TAOK3: variants seen among roughly 807,000 people sequenced by gnomAD.
TAOK3 encodes the protein serine/threonine-protein kinase TAO3.
A neutral mutation model predicts 120.4 loss-of-function variants in TAOK3; 40 were observed. The observed-to-expected ratio is 0.33, with a 90% CI of 0.26 to 0.43. TAOK3 has a LOEUF of 0.43. Among genes scored for constraint, TAOK3 ranks in the 20% least tolerant of loss-of-function variants. TAOK3 has a pLI of 1.00. For missense variants in TAOK3, 821 were observed against 1,112.1 expected (o/e 0.74, Z 3.72); for synonymous variants, 355 against 387.5 (o/e 0.92, Z 0.99).
intron 14 of TAOK3, among the ~76,000 whole-genome samples, chr12:118,181,816 CA>C (rs1328583786): frequency 6.6e-6 from 1 of 152,222 alleles, no homozygotes; most frequent in Non-Finnish European, 1.5e-5. Flanking sequence ...CCATCTCATT[CA>C]CTCATTCATT....
chr12:118,153,248 G>A (rs1337412453), intron 19 of TAOK3, among the ~76,000 whole-genome samples: 1 of 152,064 alleles, frequency 6.6e-6, no homozygotes, highest in Non-Finnish European at 1.5e-5. Flanking sequence ...TCTATACAAA[G>A]ATTTTTTAAA....
At chr12:118,277,194 T>C (rs935810256) in intron 1 of TAOK3, among the ~76,000 whole-genome samples, 2 of 152,332 alleles carry the variant, frequency 1.3e-5, no homozygotes, top group African/African-American at 4.8e-5. Context: ...CAGTATGGAA[T>C]GCTCATTCAC....
chr12:118,325,754 A>T (rs928095224), intron 1 of TAOK3, among the ~76,000 whole-genome samples: 1 of 152,098 alleles, frequency 6.6e-6, no homozygotes, highest in Non-Finnish European at 1.5e-5. Flanking sequence ...ATCTCGGCTC[A>T]CTGCAACGTC....
At chr12:118,278,579 A>G (rs2041984175) in intron 1 of TAOK3, among the ~76,000 whole-genome samples, 1 of 152,064 alleles carries the variant, frequency 6.6e-6, no homozygotes, top group Non-Finnish European at 1.5e-5. Context: ...TGTCTTTGTT[A>G]TTGTGAAAAG....
At chr12:118,278,042 G>C (rs2041964840) in intron 1 of TAOK3, among the ~76,000 whole-genome samples, 2 of 151,900 alleles carry the variant, frequency 1.3e-5, no homozygotes, top group Admixed American at 1.3e-4. Context: ...AGTCAAGTTT[G>C]GGAACCACTG....
Position 118,179,643 on chromosome 12 carries a change from G to GTT in TAOK3, c.1566+1726_1566+1727dup, listed in dbSNP as rs566111629. ...TTATGACTATCTGCCTTACCCTTCT[G>GTT]TTTTTTTTTTTTTTTTTTCAGTCGG... On this transcript the variant is annotated intron_variant, in intron 15 of 20. Transcript: ENST00000392533. 7.6e-3 allele frequency among the ~76,000 whole-genome samples: 936 copies of GTT among 123,614 alleles called. 11 individuals are homozygous for GTT. Among genetic ancestry groups the GTT allele is most frequent in the African/African-American group, 0.025 (827 of 33,556 alleles). 81.1% of individuals were successfully genotyped at this position (123,614 alleles called of 152,430 possible). A position where few individuals can be genotyped will look rare whatever the true frequency, so the allele number is the denominator to read the frequency against.
At chr12:118,233,318 GATGC>G (rs1192743260) in intron 9 of TAOK3, among the ~76,000 whole-genome samples, 2 of 151,436 alleles carry the variant, frequency 1.3e-5, no homozygotes, top group African/African-American at 4.8e-5. Flanking sequence ...CGAGTTAATG[GATGC>G]AGCACACCAA....
At chr12:118,288,243 G>T (rs917687799) in intron 1 of TAOK3, among the ~76,000 whole-genome samples, 12 of 151,854 alleles carry the variant, frequency 7.9e-5, no homozygotes, top group African/African-American at 2.7e-4. Context: ...CCGGGAAAAG[G>T]TCTGCTCAGG....
intron 1 of TAOK3, among the ~76,000 whole-genome samples, chr12:118,347,915 T>C (rs770326209): frequency 1.3e-5 from 2 of 152,174 alleles, no homozygotes; most frequent in South Asian, 2.1e-4. Flanking sequence ...ATTGATAGAG[T>C]AATCTTTCAA....
intron 4 of TAOK3, among the ~76,000 whole-genome samples, chr12:118,244,310 G>C (rs966911899): frequency 6.6e-6 from 1 of 150,886 alleles, no homozygotes; most frequent in African/African-American, 2.4e-5. Flanking sequence ...CGATCCTCCA[G>C]CCTTGGCTTC....
chr12:118,258,536 A>G (rs1593323795), intron 2 of TAOK3, among the ~76,000 whole-genome samples: 1 of 151,976 alleles, frequency 6.6e-6, no homozygotes, highest in East Asian at 1.9e-4. Context: ...ACATGGTAAA[A>G]CCCCATCTCT....
At chr12:118,270,643 T>C (rs1845427526) in intron 1 of TAOK3, among the ~76,000 whole-genome samples, 1 of 151,736 alleles carries the variant, frequency 6.6e-6, no homozygotes, top group Non-Finnish European at 1.5e-5. Flanking sequence ...AAATCTCAGC[T>C]ATTCTTACAG....
At position 118,265,286 on chromosome 12, in the gene TAOK3, C is replaced by T. The variant is rs559171097; in HGVS notation, c.-89+1369G>A. ...TGCCTGTAATCCTAGCTACTCAGGA[C>T]GCTGAGGCAGGAGAACTGCTTGAAC... On this transcript the variant is annotated intron_variant, in intron 2 of 20. Coordinates refer to ENST00000392533, the MANE Select transcript of TAOK3 (RefSeq NM_016281.4). Among the ~76,000 whole-genome samples the T allele has an allele frequency of 4.0e-5, 6 of 150,598 alleles. No homozygotes were observed. In the South Asian group the frequency reaches 1.1e-3, roughly 26 times the overall value.
At chr12:118,346,393 T>G (rs2044860660) in intron 1 of TAOK3, among the ~76,000 whole-genome samples, 1 of 152,228 alleles carries the variant, frequency 6.6e-6, no homozygotes, top group Non-Finnish European at 1.5e-5. Context: ...TTGTCATTAC[T>G]TTCAATGAAA....
chr12:118,344,295 A>T (rs939334048), intron 1 of TAOK3, among the ~76,000 whole-genome samples: 1 of 151,348 alleles, frequency 6.6e-6, no homozygotes, highest in African/African-American at 2.4e-5. Flanking sequence ...GTGTCATAGT[A>T]AATACATTCC....
At chr12:118,366,314 A>G (rs896340205) in intron 1 of TAOK3, among the ~76,000 whole-genome samples, 1 of 152,148 alleles carries the variant, frequency 6.6e-6, no homozygotes, top group Non-Finnish European at 1.5e-5. Context: ...GCTATGAACT[A>G]TGATTCTGTT....
Position 118,172,158 on chromosome 12 carries a change from A to G in TAOK3, c.1899+299T>C, listed in dbSNP as rs116952031. 3.3e-5 allele frequency among the ~76,000 whole-genome samples: 5 copies of G among 152,348 alleles called. No individual in the cohort carries two copies. In the East Asian group the frequency reaches 9.6e-4, roughly 29 times the overall value. On this transcript the variant is annotated intron_variant, in intron 17 of 20. Coordinates refer to ENST00000392533, the MANE Select transcript of TAOK3 (RefSeq NM_016281.4). ...CTTGACAAGTAGGCTGAAAACAAAAATTCTCGATTCTACTTCTTTTGATTC... is the reference window on the plus strand; with the variant it reads ...CTTGACAAGTAGGCTGAAAACAAAAGTTCTCGATTCTACTTCTTTTGATTC...
chr12:118,260,217 C>T (rs1349975692), intron 2 of TAOK3, among the ~76,000 whole-genome samples: 2 of 152,294 alleles, frequency 1.3e-5, no homozygotes, highest in South Asian at 4.1e-4. Flanking sequence ...CAGCCTCAAC[C>T]TCCGGGACTC....
chr12:118,302,034 A>G (rs1196841855), intron 1 of TAOK3, among the ~76,000 whole-genome samples: 2 of 151,982 alleles, frequency 1.3e-5, no homozygotes, highest in Non-Finnish European at 2.9e-5. Context: ...ATATTTGTAT[A>G]CTCTCAGACA....
Sources: gnomAD v4.1 joint callset for allele counts (sites outside exome capture counted in the v4.1 genomes callset) on GRCh38, gnomAD v4.1.1 for gene constraint, MANE v1.5 for transcripts, NCBI Gene and HGNC (gene_info 2026-07-23, HGNC 2026-07-21) for gene names.